PIK3C2G: variants seen among roughly 807,000 people sequenced by gnomAD.
PIK3C2G encodes phosphatidylinositol-4-phosphate 3-kinase catalytic subunit type 2 gamma, also known as phosphatidylinositol 3-kinase C2 domain-containing subunit gamma.
In PIK3C2G, 168 loss-of-function variants were observed where a neutral mutation model predicts 181.1. The observed-to-expected ratio is 0.93, with a 90% CI of 0.82 to 1.05. The LOEUF (loss-of-function observed/expected upper bound fraction) is 1.05, where lower values mean the gene tolerates loss of function less well. PIK3C2G is among the 50% of genes least tolerant of loss of function. PIK3C2G has a pLI of 0.00. For synonymous variants in PIK3C2G, 573 were observed against 592.2 expected (o/e 0.97, Z 0.47); for missense variants, 1,869 against 1,732.8 (o/e 1.08, Z -1.40).
chr12:18,715,106 C>T, the PIK3C2G span, among the ~76,000 whole-genome samples: 1 of 139,696 alleles, frequency 7.2e-6, no homozygotes, highest in Non-Finnish European at 1.5e-5. Flanking sequence ...ACAGATAAAA[C>T]AATTATAACA....
rs149185447 is a variant in PIK3C2G at position 18,461,001 on chromosome 12, C to T, written c.2505-27448C>T. ...AAAATGCTCAAAACAAATTCCGGAA[C>T]CTAGTTGTGATATAGAAGTGTTAGC... On this transcript the variant is annotated intron_variant, in intron 18 of 32. Transcript: ENST00000538779. 2.1e-3 allele frequency among the ~76,000 whole-genome samples: 326 copies of T among 152,114 alleles called. 7 individuals carry two copies. The South Asian group carries it at 0.028, about 13-fold the overall frequency.
rs766410455 is a variant in PIK3C2G at position 18,290,959 on chromosome 12, A to G, written c.866A>G (p.Asn289Ser). 4 of 1,594,030 alleles carry G rather than the reference A, an allele frequency of 2.5e-6. No individual in the cohort carries two copies. The highest frequency in any genetic ancestry group is 1.1e-5 in the South Asian group (1 of 90,592). Residue 289 changes from asparagine (N) to serine (S), a missense_variant, in exon 4 of 33, where the codon AAT (asparagine) becomes AGT (serine). Transcript: ENST00000538779. Reference sequence around the variant, plus strand: ...CAGCTCTTTTCTAAGACCAAGTTTAATATACATATTTTTATTGATAACTCA... The same window carrying G: ...CAGCTCTTTTCTAAGACCAAGTTTAGTATACATATTTTTATTGATAACTCA... The part of the protein sequence containing the change: ...PYQLFSKTKF[N>S]IHIFIDNSTQ...
intron 16 of PIK3C2G, among the ~76,000 whole-genome samples, chr12:18,417,584 C>T (rs1345303071): frequency 6.6e-6 from 1 of 152,138 alleles, no homozygotes; most frequent in Non-Finnish European, 1.5e-5. Flanking sequence ...ACACCCTCCA[C>T]CAGCAAAAAG....
downstream of PIK3C2G, among the ~76,000 whole-genome samples, chr12:18,649,954 T>G (rs1950345455): frequency 6.6e-6 from 1 of 152,026 alleles, no homozygotes; most frequent in Non-Finnish European, 1.5e-5. Flanking sequence ...GTCCCAGGGC[T>G]CACCCCTTGC....
chr12:18,418,556 G>A (rs1009677643), intron 16 of PIK3C2G, among the ~76,000 whole-genome samples: 2 of 152,140 alleles, frequency 1.3e-5, no homozygotes, highest in Non-Finnish European at 2.9e-5. Context: ...TAGTTTAAGG[G>A]ATTTGATAAG....
At chr12:18,465,325 T>A (rs930718795) in intron 18 of PIK3C2G, among the ~76,000 whole-genome samples, 5 of 151,928 alleles carry the variant, frequency 3.3e-5, no homozygotes, top group Non-Finnish European at 7.4e-5. Flanking sequence ...GGTATCAGAG[T>A]TCTATTTTAC....
the PIK3C2G span, among the ~76,000 whole-genome samples, chr12:18,702,233 CTAAAT>C: frequency 1.3e-5 from 2 of 151,762 alleles, no homozygotes; most frequent in South Asian, 2.1e-4. Flanking sequence ...CTAGTATAGA[CTAAAT>C]TAAAGATTCG....
At chr12:18,696,118 C>A in the PIK3C2G span, 4 of 1,132,192 alleles carry the variant, frequency 3.5e-6, no homozygotes, top group Admixed American at 7.1e-5. Flanking sequence ...TATGTTACTT[C>A]TGCAAACAAC....
chr12:18,253,828 T>C (rs1948117964), intron 1 of PIK3C2G, among the ~76,000 whole-genome samples: 1 of 151,078 alleles, frequency 6.6e-6, no homozygotes, highest in Non-Finnish European at 1.5e-5. Flanking sequence ...AACTAGCCAA[T>C]AACCCATCTG....
At chr12:18,635,374 G>A (rs142029499) in intron 31 of PIK3C2G, among the ~76,000 whole-genome samples, 144 of 152,254 alleles carry the variant, frequency 9.5e-4, no homozygotes, top group East Asian at 5.4e-3. Context: ...CTGATTATGC[G>A]TATACCGATT....
At chr12:18,545,438 A>G (rs1389891773) in intron 25 of PIK3C2G, among the ~76,000 whole-genome samples, 1 of 151,874 alleles carries the variant, frequency 6.6e-6, no homozygotes, top group African/African-American at 2.4e-5. Context: ...ATCTTATTGT[A>G]AGAGGGCCTT....
chr12:18,640,291 G>T, intron 31 of PIK3C2G, 138 bp from the exon 32 acceptor site: 1 of 668,254 alleles, frequency 1.5e-6, no homozygotes, highest in Non-Finnish European at 2.4e-6. Context: ...AATTTCTTTT[G>T]ATTTTCTCTT....
chr12:18,432,677 A>T (rs1946226112), intron 18 of PIK3C2G, among the ~76,000 whole-genome samples: 3 of 152,298 alleles, frequency 2.0e-5, no homozygotes, highest in African/African-American at 7.2e-5. Context: ...TAATATTTGA[A>T]TTTGGCATCC....
intron 19 of PIK3C2G, among the ~76,000 whole-genome samples, chr12:18,490,883 G>A (rs1431153844): frequency 6.6e-6 from 1 of 152,198 alleles, no homozygotes; most frequent in Non-Finnish European, 1.5e-5. Context: ...ATAGTGGAGT[G>A]TAGGAATGAG....
At chr12:18,491,876 G>A (rs1940603332) in intron 20 of PIK3C2G, among the ~76,000 whole-genome samples, 1 of 151,964 alleles carries the variant, frequency 6.6e-6, no homozygotes, top group African/African-American at 2.4e-5. Context: ...TTGATTTGGT[G>A]ACCCCATGCA....
intron 11 of PIK3C2G, among the ~76,000 whole-genome samples, chr12:18,352,835 C>G (rs1940348915): frequency 6.6e-6 from 1 of 152,158 alleles, no homozygotes; most frequent in South Asian, 2.1e-4. Flanking sequence ...TGAAGTCAAG[C>G]TGCATCTTGC....
At chr12:18,297,155 A>G (rs1565568605) in intron 5 of PIK3C2G, among the ~76,000 whole-genome samples, 2 of 152,030 alleles carry the variant, frequency 1.3e-5, no homozygotes, top group East Asian at 1.9e-4. Context: ...CCGTCCCTGC[A>G]TCTCTCTTTT....
intron 15 of PIK3C2G, among the ~76,000 whole-genome samples, chr12:18,396,791 G>GA (rs937844502): frequency 6.6e-6 from 1 of 151,420 alleles, no homozygotes; most frequent in East Asian, 1.9e-4. Flanking sequence ...CTAAATAAAT[G>GA]AAAAAATATA....
At chr12:18,437,639 T>A (rs1946517207) in intron 18 of PIK3C2G, among the ~76,000 whole-genome samples, 1 of 151,972 alleles carries the variant, frequency 6.6e-6, no homozygotes, top group Non-Finnish European at 1.5e-5. Context: ...GCCCATATGT[T>A]CCTGAGAGTT....
Sources: gnomAD v4.1 joint callset for allele counts (sites outside exome capture counted in the v4.1 genomes callset) on GRCh38, gnomAD v4.1.1 for gene constraint, MANE v1.5 for transcripts, NCBI Gene and HGNC (gene_info 2026-07-23, HGNC 2026-07-21) for gene names.